SLC2A5: variants seen among roughly 807,000 people sequenced by gnomAD.
SLC2A5 encodes solute carrier family 2, facilitated glucose transporter member 5.
SLC2A5 carries 56 observed loss-of-function variants against 50.3 expected under a neutral mutation model. The observed-to-expected ratio is 1.11, with a 90% CI of 0.90 to 1.39. The LOEUF is 1.39. Among genes scored for constraint, SLC2A5 ranks in the 40% most tolerant of loss-of-function variants. The pLI is 0.00. For synonymous variants in SLC2A5, 269 were observed against 281.9 expected (o/e 0.95, Z 0.46); for missense variants, 566 against 650.1 (o/e 0.87, Z 1.41).
chr1:9,058,008 G>A (rs543922971), intron 2 of SLC2A5, 144 bp downstream of exon 2: 11 of 638,936 alleles, frequency 1.7e-5, no homozygotes, highest in Middle Eastern at 4.3e-4. Flanking sequence ...GAGTTCCCTC[G>A]GGTCTGTGCT....
chr1:9,057,737 T>C, intron 2 of SLC2A5, 129 bp from the exon 3 acceptor site: 1 of 765,130 alleles, frequency 1.3e-6, no homozygotes, highest in East Asian at 2.7e-5. Context: ...CGGGGGGTGA[T>C]GGGAGGCAGG....
chr1:9,082,338 G>A (rs538511836), intron 2 of SLC2A5, among the ~76,000 whole-genome samples: 1 of 152,280 alleles, frequency 6.6e-6, no homozygotes, highest in East Asian at 1.9e-4. Flanking sequence ...ATAGCCAAAA[G>A]GGGGAAACAG....
intron 2 of SLC2A5, among the ~76,000 whole-genome samples, chr1:9,078,976 G>A (rs1642323389): frequency 6.6e-6 from 1 of 152,154 alleles, no homozygotes. Flanking sequence ...CTCGTCTGGG[G>A]AAGGGAGAGG....
At chr1:9,038,624 C>T in intron 9 of SLC2A5, 118 bp from the exon 10 acceptor site, 1 of 1,241,278 alleles carries the variant, frequency 8.1e-7, no homozygotes, top group South Asian at 1.4e-5. Flanking sequence ...CCAGCAGTGC[C>T]ACCTCGATGA....
Position 9,040,563 on chromosome 1 carries a change from C to G in SLC2A5, c.572-374G>C. On this transcript the variant is annotated intron_variant, in intron 5 of 11. Coordinates refer to ENST00000377424, the MANE Select transcript of SLC2A5 (RefSeq NM_003039.3). This position sits in a 1 kb window ranked among gnomAD's most constrained non-coding sequence, Gnocchi z 4.3. ...CCAGAGAAGCCAGGCCACCAGGATG[C>G]CTGAACTGGAATGGTCACGGCAGCT... The G allele has an allele frequency of 4.5e-6, 1 of 223,238 alleles. No individual in the cohort carries two copies. 13.8% of individuals were successfully genotyped at this position (223,238 alleles called of 1,614,324 possible). A position where few individuals can be genotyped will look rare whatever the true frequency, so the allele number is the denominator to read the frequency against.
At chr1:9,061,501 G>A (rs558998963) in intron 1 of SLC2A5, among the ~76,000 whole-genome samples, 6 of 149,508 alleles carry the variant, frequency 4.0e-5, no homozygotes, top group African/African-American at 9.8e-5. Context: ...AGCTACTCAC[G>A]AGGCTGAGGT....
intron 3 of SLC2A5, among the ~76,000 whole-genome samples, chr1:9,049,895 T>G (rs1465198489): frequency 6.6e-6 from 1 of 152,004 alleles, no homozygotes. Context: ...TCAGCACTTT[T>G]GGACACTGAG....
intron 3 of SLC2A5, among the ~76,000 whole-genome samples, chr1:9,054,340 T>A (rs1443572140): frequency 1.3e-5 from 2 of 152,208 alleles, no homozygotes; most frequent in Non-Finnish European, 2.9e-5. Flanking sequence ...TGGAAAGCTC[T>A]AGTTTGCTCA....
chr1:9,049,315 A>G, intron 3 of SLC2A5: 1 of 395,512 alleles, frequency 2.5e-6, no homozygotes, highest in South Asian at 1.8e-5. Flanking sequence ...GTTTAAAATG[A>G]TTAGTGTCAT....
chr1:9,092,921 C>T (rs111527915), upstream of SLC2A5, among the ~76,000 whole-genome samples: 1,572 of 152,198 alleles, frequency 0.01, 40 homozygotes, highest in African/African-American at 0.035. Flanking sequence ...GACTGGGTTA[C>T]CCTTTTGCCT....
rs11121305 is a variant in SLC2A5, at chr1:9,035,788, C to T, written c.*1798G>A. The T allele has an allele frequency of 0.4, 61,406 of 151,938 alleles. 13,080 individuals are homozygous for T. The highest frequency in any genetic ancestry group is 0.65 in the East Asian group (3,364 of 5,162). 9.4% of individuals were successfully genotyped at this position (151,938 alleles called of 1,614,324 possible). The stretch of plus-strand genomic sequence containing the variant: ...CAAAGAAAAAGAGATTTAATGGACT[C>T]GCCATTCCACATGGCTGGGGAGGCC... On this transcript the variant is annotated 3_prime_UTR_variant, in exon 12 of 12. Transcript: ENST00000377424.
chr1:9,084,693 T>C lies in SLC2A5; in HGVS notation c.-59+321A>G, dbSNP rs183644543. Among the ~76,000 whole-genome samples the C allele has an allele frequency of 6.1e-3, 924 of 152,310 alleles. 5 individuals carry two copies. The highest frequency in any genetic ancestry group is 0.021 in the African/African-American group (866 of 41,568). On this transcript the variant is annotated intron_variant, in intron 2 of 5. Coordinates refer to the SLC2A5 transcript ENST00000464985. ...ACCCAGGATCTTGAGAAACACGCTT[T>C]GGAAGCCAGCAGCCCTATGGGGGCA...
chr1:9,039,848 C>T lies in SLC2A5; in HGVS notation c.837G>A (p.Leu279=). ...GGCCGCCCATGAGGACGATGATGGA[C>T]AGCAGCTGCCAGCGCAGCGAGCGCA... ...FRMRSLRWQL[L]SIIVLMGGQQ... The change falls in exon 7 of 12, where the codon CTG becomes CTA. Residue 279 remains leucine, a synonymous_variant. Coordinates refer to ENST00000377424, the MANE Select transcript of SLC2A5 (RefSeq NM_003039.3). The T allele has an allele frequency of 6.2e-7, 1 of 1,610,348 alleles. No individual in the cohort carries two copies. The highest frequency in any genetic ancestry group is 1.1e-5 in the South Asian group (1 of 90,778).
At chr1:9,081,235 G>A (rs1254025233) in intron 2 of SLC2A5, among the ~76,000 whole-genome samples, 5 of 140,120 alleles carry the variant, frequency 3.6e-5, no homozygotes, top group South Asian at 2.3e-4. Flanking sequence ...ACTCCAGGCC[G>A]GGAAACAGCA....
chr1:9,046,491 A>C (rs1440507133), intron 4 of SLC2A5, among the ~76,000 whole-genome samples: 2 of 152,182 alleles, frequency 1.3e-5, no homozygotes, highest in South Asian at 2.1e-4. Context: ...CATTTCAGGA[A>C]TAGAACTCAG....
chr1:9,048,286 A>G (rs150604829), intron 3 of SLC2A5, among the ~76,000 whole-genome samples: 2,366 of 152,292 alleles, frequency 0.016, 32 homozygotes, highest in South Asian at 0.065. Context: ...AGGTGGGCAG[A>G]TCACTTGAGG....
At chr1:9,074,992 GC>G (rs1307319865) in intron 2 of SLC2A5, among the ~76,000 whole-genome samples, 1 of 151,830 alleles carries the variant, frequency 6.6e-6, no homozygotes, top group African/African-American at 2.4e-5. Context: ...ACAGAACTCG[GC>G]TTGAGCAACA....
chr1:9,057,572 T>C lies in SLC2A5; in HGVS notation c.169A>G (p.Arg57Gly). 6.2e-6 allele frequency: 10 copies of C among 1,613,704 alleles called. No homozygotes were observed. The highest frequency in any genetic ancestry group is 7.6e-6 in the Non-Finnish European group (9 of 1,179,770). The change falls in exon 3 of 12, where the codon AGG becomes GGG. Residue 57 changes from arginine to glycine, a missense_variant. By Grantham distance (125) the Arg-to-Gly change is moderately radical. Transcript: ENST00000377424. ...QQFYNETYYG[R>G]TGEFMEDFPL... ...AAGTCTTCCATGAATTCACCGGTCC[T>C]ACCATAGTAAGTCTCATTGTAAAAT...
the SLC2A5 span, among the ~76,000 whole-genome samples, chr1:9,094,178 G>A: frequency 6.6e-6 from 1 of 152,148 alleles, no homozygotes; most frequent in Non-Finnish European, 1.5e-5. Context: ...TGACTACCAA[G>A]TATTGCCTGA....
Sources: gnomAD v4.1 joint callset for allele counts (sites outside exome capture counted in the v4.1 genomes callset) on GRCh38, gnomAD v4.1.1 for gene constraint, Gnocchi (gnomAD v3.1) non-coding constraint, MANE v1.5 for transcripts, NCBI Gene and HGNC (gene_info 2026-07-23, HGNC 2026-07-21) for gene names.